The following CIMIP2C variants were observed in gnomAD, a reference collection of about 807,000 sequenced individuals.
CIMIP2C encodes ciliary microtubule inner protein 2C.
At chr2:26,575,835 C>G in the CIMIP2C span, 2 of 1,544,948 alleles carry the variant, frequency 1.3e-6, no homozygotes, top group South Asian at 2.4e-5. Flanking sequence ...TTTTAAGGGC[C>G]TCTCTTGGAA....
At chr2:26,576,228 C>T in the CIMIP2C span, 3 of 1,566,098 alleles carry the variant, frequency 1.9e-6, no homozygotes, top group African/African-American at 4.0e-5. Flanking sequence ...CCTGCCCCCA[C>T]CACGGGAAGG....
At chr2:26,572,035 G>C in the CIMIP2C span, 1 of 1,283,704 alleles carries the variant, frequency 7.8e-7, no homozygotes, top group Non-Finnish European at 1.1e-6. Flanking sequence ...CCCACTATAG[G>C]AGAGAGAGAG....
the CIMIP2C span, chr2:26,576,192 T>C: frequency 1.2e-6 from 2 of 1,601,876 alleles, no homozygotes; most frequent in South Asian, 2.2e-5. Flanking sequence ...TGTGTGGGGC[T>C]GCCCTGTGGC....
the CIMIP2C span, among the ~76,000 whole-genome samples, chr2:26,571,140 GTA>G: frequency 8.8e-5 from 1 of 11,414 alleles, no homozygotes; most frequent in Admixed American, 1.8e-3. Flanking sequence ...AGACCCAGAG[GTA>G]GAGAGGCTGT....
At chr2:26,575,232 G>A in the CIMIP2C span, among the ~76,000 whole-genome samples, 1 of 152,158 alleles carries the variant, frequency 6.6e-6, no homozygotes, top group African/African-American at 2.4e-5. Flanking sequence ...GTAGCGTGTT[G>A]GGAGGCTGCT....
the CIMIP2C span, among the ~76,000 whole-genome samples, chr2:26,570,090 C>T: frequency 6.6e-6 from 1 of 152,276 alleles, no homozygotes; most frequent in Admixed American, 6.5e-5. Context: ...GAGCAGTAAG[C>T]CCTGAACAGA....
the CIMIP2C span, among the ~76,000 whole-genome samples, chr2:26,565,073 T>A: frequency 6.8e-6 from 1 of 146,722 alleles, no homozygotes; most frequent in Non-Finnish European, 1.5e-5. Context: ...CCCCTTCCCC[T>A]TCCCCTTCCC....
At chr2:26,567,038 A>T in the CIMIP2C span, among the ~76,000 whole-genome samples, 4 of 152,212 alleles carry the variant, frequency 2.6e-5, no homozygotes, top group Non-Finnish European at 5.9e-5. Flanking sequence ...ATGGAATATA[A>T]TTTGATATTG....
chr2:26,568,621 G>A, the CIMIP2C span, among the ~76,000 whole-genome samples: 1 of 152,162 alleles, frequency 6.6e-6, no homozygotes, highest in African/African-American at 2.4e-5. Context: ...ACATCCACTG[G>A]GTGCAGAGAA....
At chr2:26,565,707 T>C in the CIMIP2C span, among the ~76,000 whole-genome samples, 3 of 152,224 alleles carry the variant, frequency 2.0e-5, no homozygotes, top group Non-Finnish European at 4.4e-5. Flanking sequence ...GATCACGGTG[T>C]GCAGGTTAAA....
the CIMIP2C span, among the ~76,000 whole-genome samples, chr2:26,576,423 C>G: frequency 6.6e-6 from 1 of 152,226 alleles, no homozygotes; most frequent in Non-Finnish European, 1.5e-5. Flanking sequence ...CTCCTGCTCA[C>G]TCCCACTGCC....
chr2:26,572,913 C>G, the CIMIP2C span, among the ~76,000 whole-genome samples: 1 of 152,232 alleles, frequency 6.6e-6, no homozygotes, highest in Non-Finnish European at 1.5e-5. Context: ...GAGGCAGCAT[C>G]TCCCCATCAC....
chr2:26,575,955 C>A, the CIMIP2C span: 3 of 1,614,078 alleles, frequency 1.9e-6, no homozygotes, highest in Non-Finnish European at 2.5e-6. Flanking sequence ...CCCTACGGCA[C>A]CACCACCCTC....
the CIMIP2C span, chr2:26,572,132 C>T: frequency 6.5e-7 from 1 of 1,545,004 alleles, no homozygotes; most frequent in Non-Finnish European, 8.7e-7. Flanking sequence ...TGGGTTGACT[C>T]TGATTTAAAG....
chr2:26,575,906 C>G, the CIMIP2C span: 1 of 1,612,608 alleles, frequency 6.2e-7, no homozygotes, highest in Non-Finnish European at 8.5e-7. Flanking sequence ...CGGCAGGTAC[C>G]AGGGCCACGT....
At chr2:26,576,447 G>T in the CIMIP2C span, among the ~76,000 whole-genome samples, 2 of 152,200 alleles carry the variant, frequency 1.3e-5, no homozygotes, top group African/African-American at 4.8e-5. Flanking sequence ...GGAGCTAGGG[G>T]TCTCTAGGGA....
the CIMIP2C span, chr2:26,579,006 GA>G: frequency 1.9e-6 from 1 of 521,226 alleles, no homozygotes; most frequent in African/African-American, 1.9e-5. Flanking sequence ...CTAAGAGGGG[GA>G]TACCACCACT....
chr2:26,565,002 C>T, the CIMIP2C span, among the ~76,000 whole-genome samples: 2 of 152,076 alleles, frequency 1.3e-5, no homozygotes, highest in African/African-American at 4.8e-5. Context: ...CTGTGCTGGG[C>T]CCTTCACAAC....
the CIMIP2C span, chr2:26,575,853 G>T: frequency 6.3e-7 from 1 of 1,589,540 alleles, no homozygotes; most frequent in South Asian, 1.1e-5. Flanking sequence ...GAACAGGCCT[G>T]GGGCCCTTCA....
Sources: allele counts gnomAD v4.1 joint callset (sites outside exome capture counted in the v4.1 genomes callset), GRCh38; gene constraint gnomAD v4.1.1; transcripts MANE v1.5; gene names NCBI Gene and HGNC (gene_info 2026-07-23, HGNC 2026-07-21).